The following PPP2R2B variants were observed in gnomAD, a reference collection of about 807,000 sequenced individuals.
The protein encoded by PPP2R2B is serine/threonine-protein phosphatase 2A 55 kDa regulatory subunit B beta isoform.
In PPP2R2B, 5 loss-of-function variants were observed where a neutral mutation model predicts 46.0. The ratio of observed to expected loss-of-function variants is 0.11; its 90% CI spans 0.06 to 0.23. PPP2R2B has a LOEUF of 0.23. Ranked by LOEUF, PPP2R2B falls within the 10% of genes least tolerant of loss-of-function variation. The pLI is 1.00. For synonymous variants in PPP2R2B, 215 were observed against 206.7 expected (o/e 1.04, Z -0.34); for missense variants, 367 against 575.0 (o/e 0.64, Z 3.70).
At chr5:147,001,446 G>A (rs1754172935) in intron 1 of PPP2R2B, among the ~76,000 whole-genome samples, 1 of 152,082 alleles carries the variant, frequency 6.6e-6, no homozygotes, top group South Asian at 2.1e-4. Context: ...AAGGTCTGTG[G>A]CTTCACTCCT....
intron 1 of PPP2R2B, among the ~76,000 whole-genome samples, chr5:146,999,322 A>G (rs1754062242): frequency 6.6e-6 from 1 of 152,186 alleles, no homozygotes; most frequent in Non-Finnish European, 1.5e-5. Flanking sequence ...CTAGCTTATG[A>G]TTTGTGGACA....
rs568696919 is a variant in PPP2R2B at position 146,961,159 on chromosome 5, A to G, written c.79+94506T>C. Among the ~76,000 whole-genome samples, 102 of 152,348 alleles carry G rather than the reference A, an allele frequency of 6.7e-4. 1 individual carries two copies. The highest frequency in any genetic ancestry group is 2.3e-3 in the African/African-American group (97 of 41,584). ...TTATCATTTTTAAAGCACACAGAGT[A>G]TTCCATTATGCAGTTGTACCATAAT... is the stretch of plus-strand genomic sequence containing the variant. On this transcript the variant is annotated intron_variant, in intron 1 of 8. Coordinates refer to the PPP2R2B transcript ENST00000336640.
intron 1 of PPP2R2B, among the ~76,000 whole-genome samples, chr5:146,928,068 T>TA (rs1191809241): frequency 6.6e-6 from 1 of 152,126 alleles, no homozygotes; most frequent in African/African-American, 2.4e-5. Flanking sequence ...CTGAAATGTA[T>TA]AATTCATCGC....
chr5:146,688,431 G>A (rs1361425651), intron 5 of PPP2R2B, among the ~76,000 whole-genome samples: 1 of 151,886 alleles, frequency 6.6e-6, no homozygotes, highest in Non-Finnish European at 1.5e-5. Context: ...AGATTCCTCT[G>A]GGCCTCCTCT....
intron 2 of PPP2R2B, among the ~76,000 whole-genome samples, chr5:146,748,859 A>C (rs953556791): frequency 6.6e-6 from 1 of 152,194 alleles, no homozygotes; most frequent in Non-Finnish European, 1.5e-5. Flanking sequence ...AGGTTTGTAT[A>C]TAGGTTTTTG....
chr5:146,599,856 A>G (rs1028058246), intron 8 of PPP2R2B, among the ~76,000 whole-genome samples: 11 of 152,012 alleles, frequency 7.2e-5, no homozygotes, highest in African/African-American at 2.2e-4. Flanking sequence ...CGTCCATGTG[A>G]ACACACTATT....
At chr5:146,889,137 C>T (rs1339607594) in intron 1 of PPP2R2B, among the ~76,000 whole-genome samples, 1 of 152,096 alleles carries the variant, frequency 6.6e-6, no homozygotes, top group East Asian at 1.9e-4. Context: ...TGTGTTTGCT[C>T]AATAATAAGG....
chr5:146,897,835 A>T (rs966324830), intron 1 of PPP2R2B, among the ~76,000 whole-genome samples: 24 of 152,332 alleles, frequency 1.6e-4, no homozygotes, highest in African/African-American at 4.8e-4. Context: ...ATTAAAAAAT[A>T]TGGCAAATTT....
chr5:146,845,691 C>T (rs1052128037), intron 2 of PPP2R2B, among the ~76,000 whole-genome samples: 3 of 152,190 alleles, frequency 2.0e-5, no homozygotes, highest in Non-Finnish European at 2.9e-5. Context: ...ATAGTTGATG[C>T]TCCATGACCA....
intron 9 of PPP2R2B, 62 bp downstream of exon 9, chr5:146,592,909 A>T: frequency 6.6e-7 from 1 of 1,506,074 alleles, no homozygotes; most frequent in South Asian, 1.1e-5. Context: ...ACTTAGGATA[A>T]ATTCCCTGAG....
intron 2 of PPP2R2B, among the ~76,000 whole-genome samples, chr5:146,815,470 T>C (rs561501036): frequency 6.6e-6 from 1 of 152,348 alleles, no homozygotes; most frequent in East Asian, 1.9e-4. Context: ...AATGAATAAA[T>C]GATATTCACA....
At chr5:146,776,891 A>G (rs1413196970) in intron 2 of PPP2R2B, among the ~76,000 whole-genome samples, 1 of 151,966 alleles carries the variant, frequency 6.6e-6, no homozygotes, top group Non-Finnish European at 1.5e-5. Context: ...TATGTACATG[A>G]AAAGATGCTC....
intron 1 of PPP2R2B, among the ~76,000 whole-genome samples, chr5:146,900,896 T>C (rs1218506964): frequency 6.6e-6 from 1 of 152,048 alleles, no homozygotes; most frequent in Non-Finnish European, 1.5e-5. Context: ...AATTTTCTGT[T>C]CCTGCATTAG....
intron 4 of PPP2R2B, among the ~76,000 whole-genome samples, chr5:146,696,077 C>T (rs183268398): frequency 2.3e-4 from 35 of 152,068 alleles, no homozygotes; most frequent in Admixed American, 1.6e-3. Context: ...TCCCATCCCC[C>T]CGCCAACAAA....
chr5:146,705,808 A>C (rs73320040), intron 2 of PPP2R2B, among the ~76,000 whole-genome samples: 1 of 152,220 alleles, frequency 6.6e-6, no homozygotes, highest in South Asian at 2.1e-4. Context: ...GGATTATGCC[A>C]AGATGACCTT....
chr5:146,889,623 G>T (rs1395088068), intron 1 of PPP2R2B, among the ~76,000 whole-genome samples: 2 of 152,152 alleles, frequency 1.3e-5, no homozygotes, highest in Non-Finnish European at 2.9e-5. Context: ...AACTCTCCCA[G>T]GCTTTGCCTT....
intron 2 of PPP2R2B, among the ~76,000 whole-genome samples, chr5:146,865,056 G>A (rs1761227993): frequency 6.6e-6 from 1 of 152,054 alleles, no homozygotes; most frequent in South Asian, 2.1e-4. Context: ...ACATGATTTA[G>A]AGTCTATAAC....
intron 2 of PPP2R2B, among the ~76,000 whole-genome samples, chr5:146,771,891 A>C (rs988250728): frequency 3.3e-5 from 5 of 152,174 alleles, no homozygotes; most frequent in African/African-American, 1.2e-4. Flanking sequence ...TTGCAGGAGA[A>C]GAGAAAGGAA....
Position 146,616,783 on chromosome 5 carries a change from C to T in PPP2R2B, c.791-16323G>A, listed in dbSNP as rs115678117. On this transcript the variant is annotated intron_variant, in intron 7 of 9. Coordinates refer to ENST00000394411, the MANE Select transcript of PPP2R2B (RefSeq NM_181675.4). ...TACATTGTTGGTGGGAATGAAAATT[C>T]GAAAAACCACTATGAATAACAGTTT... Among the ~76,000 whole-genome samples, 977 of 152,186 alleles carry T rather than the reference C, an allele frequency of 6.4e-3. 12 individuals carry two copies. Among genetic ancestry groups the T allele is most frequent in the African/African-American group, 0.022 (895 of 41,526 alleles).
Sources: gnomAD v4.1 joint callset for allele counts (sites outside exome capture counted in the v4.1 genomes callset) on GRCh38, gnomAD v4.1.1 for gene constraint, MANE v1.5 for transcripts, NCBI Gene and HGNC (gene_info 2026-07-23, HGNC 2026-07-21) for gene names.